ELMO1: variants seen among roughly 807,000 people sequenced by gnomAD.
ELMO1 encodes engulfment and cell motility protein 1.
Under a neutral mutation model 98.9 loss-of-function variants are expected in ELMO1, and 26 were observed. The ratio of observed to expected loss-of-function variants is 0.26; its 90% CI spans 0.19 to 0.36. ELMO1 has a LOEUF of 0.36. ELMO1 is among the 10% of genes least tolerant of loss of function. The probability of loss-of-function intolerance (pLI) is 1.00; values close to 1 mark genes in which losing one functional copy is unlikely to be tolerated. For missense variants in ELMO1, 627 were observed against 935.2 expected, an observed-to-expected ratio of 0.67 and a Z score of 4.30; for synonymous variants, 346 against 346.0, an observed-to-expected ratio of 1.00 and a Z score of 0.00.
At position 37,417,795 on chromosome 7, in the gene ELMO1, C is replaced by T. The variant is rs562984957; in HGVS notation, c.-74+30880G>A. On this transcript the variant is annotated intron_variant, in intron 1 of 21. Coordinates refer to ENST00000310758, the MANE Select transcript of ELMO1 (RefSeq NM_014800.11). ...AGGCAGAGGTTGCAGTGAGTCGAGA[C>T]GGCACCATTGCACTCCAGCCTGGAT... is the stretch of plus-strand genomic sequence containing the variant. 2.9e-3 allele frequency among the ~76,000 whole-genome samples: 442 copies of T among 152,046 alleles called. 3 individuals carry two copies. The highest frequency in any genetic ancestry group is 6.8e-3 in the Middle Eastern group (2 of 294).
At chr7:37,104,453 C>A (rs1006075468) in intron 14 of ELMO1, among the ~76,000 whole-genome samples, 2 of 152,088 alleles carry the variant, frequency 1.3e-5, no homozygotes, top group Non-Finnish European at 2.9e-5. Context: ...GTCAGTAAAC[C>A]AAGTCCTGAA....
At chr7:37,094,153 C>T (rs950764286) in intron 15 of ELMO1, among the ~76,000 whole-genome samples, 3 of 152,120 alleles carry the variant, frequency 2.0e-5, no homozygotes, top group South Asian at 2.1e-4. Context: ...ATGTGTTTGT[C>T]GTCTTAGGTG....
At chr7:37,177,334 T>C (rs548545903) in intron 13 of ELMO1, among the ~76,000 whole-genome samples, 3 of 152,052 alleles carry the variant, frequency 2.0e-5, no homozygotes, top group Non-Finnish European at 4.4e-5. Flanking sequence ...AAAAACATCA[T>C]GAGCACAAGA....
Position 37,223,457 on chromosome 7 carries a change from G to T in ELMO1, c.702-764C>A, listed in dbSNP as rs2130545878. ...GACAAGTTCATGAGTATCCCCCAAG[G>T]CACAGTTACCTCATCTACAACATGG... On this transcript the variant is annotated intron_variant, in intron 9 of 21. Transcript: ENST00000310758. 1.3e-5 allele frequency among the ~76,000 whole-genome samples: 2 copies of T among 152,272 alleles called. 1 individual carries two copies. Among genetic ancestry groups the T allele is most frequent in the Middle Eastern group, 6.8e-3 (2 of 294 alleles).
intron 15 of ELMO1, among the ~76,000 whole-genome samples, chr7:37,017,102 T>C (rs1270845313): frequency 6.6e-6 from 1 of 152,228 alleles, no homozygotes; most frequent in Non-Finnish European, 1.5e-5. Flanking sequence ...GTGGCTTACA[T>C]GGAGTTAGAC....
intron 16 of ELMO1, among the ~76,000 whole-genome samples, chr7:36,957,907 TA>T (rs1388885603): frequency 6.6e-6 from 1 of 152,182 alleles, no homozygotes; most frequent in African/African-American, 2.4e-5. Flanking sequence ...CACCACCCTG[TA>T]AAACTTCCCT....
At chr7:37,418,522 C>T (rs1043600415) in intron 1 of ELMO1, among the ~76,000 whole-genome samples, 14 of 152,214 alleles carry the variant, frequency 9.2e-5, no homozygotes, top group African/African-American at 3.4e-4. Flanking sequence ...GGAACTGGAT[C>T]TGCCCAGGCC....
chr7:37,070,191 CA>C (rs544250475), intron 15 of ELMO1, among the ~76,000 whole-genome samples: 62 of 152,316 alleles, frequency 4.1e-4, no homozygotes, highest in African/African-American at 1.4e-3. Context: ...ACTGCCACTG[CA>C]TCCTCTTACA....
At chr7:36,905,818 G>T (rs1446708860) in intron 16 of ELMO1, among the ~76,000 whole-genome samples, 2 of 152,228 alleles carry the variant, frequency 1.3e-5, no homozygotes, top group Non-Finnish European at 2.9e-5. Context: ...ATGGAGAAGA[G>T]GAATATCAGT....
chr7:37,405,331 C>G (rs752310368), intron 1 of ELMO1, among the ~76,000 whole-genome samples: 1 of 152,170 alleles, frequency 6.6e-6, no homozygotes, highest in African/African-American at 2.4e-5. Context: ...CCCCTCCCCA[C>G]GCCCCAGACT....
chr7:37,256,520 G>GAGGA (rs1249886100), intron 6 of ELMO1, among the ~76,000 whole-genome samples: 33 of 143,140 alleles, frequency 2.3e-4, no homozygotes, highest in Admixed American at 8.6e-4. Flanking sequence ...GGAGGAGAAG[G>GAGGA]AGGAAGGAAG....
At chr7:37,373,263 T>C (rs1364824136) in intron 1 of ELMO1, among the ~76,000 whole-genome samples, 1 of 152,234 alleles carries the variant, frequency 6.6e-6, no homozygotes, top group East Asian at 1.9e-4. Context: ...TTTACACTTC[T>C]GTAGTAAATC....
intron 7 of ELMO1, among the ~76,000 whole-genome samples, chr7:37,240,565 A>G (rs1314757246): frequency 6.6e-6 from 1 of 152,018 alleles, no homozygotes; most frequent in African/African-American, 2.4e-5. Flanking sequence ...GTAAAAACTT[A>G]GACCATTTTT....
At chr7:37,009,034 A>G (rs984621463) in intron 16 of ELMO1, among the ~76,000 whole-genome samples, 3 of 152,294 alleles carry the variant, frequency 2.0e-5, no homozygotes, top group Middle Eastern at 3.4e-3. Flanking sequence ...ACACAGACAT[A>G]TACTCTAAAG....
chr7:37,126,959 AT>A (rs1786564866), intron 14 of ELMO1, among the ~76,000 whole-genome samples: 1 of 152,240 alleles, frequency 6.6e-6, no homozygotes, highest in South Asian at 2.1e-4. Flanking sequence ...TAATAGAAAC[AT>A]CTCATTTGCA....
intron 1 of ELMO1, among the ~76,000 whole-genome samples, chr7:37,399,041 C>T (rs1037335053): frequency 9.2e-5 from 14 of 152,164 alleles, no homozygotes; most frequent in African/African-American, 3.4e-4. Context: ...CATCCTGCCT[C>T]TTGGGTGAAC....
At chr7:36,969,671 T>C (rs1434153439) in intron 16 of ELMO1, among the ~76,000 whole-genome samples, 2 of 152,122 alleles carry the variant, frequency 1.3e-5, no homozygotes, top group African/African-American at 4.8e-5. Context: ...AAAAACACAC[T>C]TGCTTAAGCC....
intron 16 of ELMO1, among the ~76,000 whole-genome samples, chr7:36,904,984 G>A (rs866179364): frequency 2.0e-5 from 3 of 152,226 alleles, no homozygotes; most frequent in Non-Finnish European, 4.4e-5. Context: ...GTCTAATGGA[G>A]CCTGCCTCAG....
chr7:36,967,083 A>C (rs543910890), intron 16 of ELMO1, among the ~76,000 whole-genome samples: 54 of 152,236 alleles, frequency 3.5e-4, no homozygotes, highest in Non-Finnish European at 7.2e-4. Flanking sequence ...TCACTGGAGG[A>C]CATTATAACA....
Sources: allele counts gnomAD v4.1 joint callset (sites outside exome capture counted in the v4.1 genomes callset), GRCh38; gene constraint gnomAD v4.1.1; transcripts MANE v1.5; gene names NCBI Gene and HGNC (gene_info 2026-07-23, HGNC 2026-07-21).